SPATA31H1: variants seen among roughly 807,000 people sequenced by gnomAD.
SPATA31H1 encodes spermatogenesis-associated protein 31H1.
At chr2:27,548,172 G>A in the SPATA31H1 span, among the ~76,000 whole-genome samples, 94 of 151,446 alleles carry the variant, frequency 6.2e-4, no homozygotes, top group Non-Finnish European at 1.3e-3. Context: ...TAGTAGAGAC[G>A]GGGTTTCACC....
chr2:27,572,422 C>A, the SPATA31H1 span: 1 of 397,270 alleles, frequency 2.5e-6, no homozygotes, highest in Non-Finnish European at 4.4e-6. Context: ...GTCAAACCTG[C>A]AGAATTGAAA....
At chr2:27,580,223 G>A in the SPATA31H1 span, 1 of 1,614,170 alleles carries the variant, frequency 6.2e-7, no homozygotes, top group Non-Finnish European at 8.5e-7. Context: ...CAATAGATTT[G>A]CAGTCTGGGC....
At chr2:27,542,816 T>A in the SPATA31H1 span, among the ~76,000 whole-genome samples, 1 of 151,808 alleles carries the variant, frequency 6.6e-6, no homozygotes, top group Admixed American at 6.6e-5. Context: ...CAACATACAG[T>A]CTGGGAGTGG....
chr2:27,539,101 C>CTTTTTTTT, the SPATA31H1 span, among the ~76,000 whole-genome samples: 19 of 94,584 alleles, frequency 2.0e-4, no homozygotes, highest in African/African-American at 3.1e-4. Context: ...TCATCATTTT[C>CTTTTTTTT]TTTTTTTTTT....
the SPATA31H1 span, chr2:27,573,666 G>A: frequency 2.5e-6 from 1 of 398,464 alleles, no homozygotes. Context: ...TCACTCGCAA[G>A]ATGTGAAATC....
At chr2:27,549,693 C>T in the SPATA31H1 span, among the ~76,000 whole-genome samples, 9 of 151,808 alleles carry the variant, frequency 5.9e-5, 1 homozygote, top group African/African-American at 2.2e-4. Flanking sequence ...CCTGTAGTCT[C>T]AGCTACTTGG....
chr2:27,567,194 T>C, the SPATA31H1 span: 2 of 637,508 alleles, frequency 3.1e-6, no homozygotes, highest in Non-Finnish European at 5.7e-6. Context: ...TGACATCAGA[T>C]CATGAGCCAA....
the SPATA31H1 span, chr2:27,575,481 G>A: frequency 2.5e-6 from 1 of 398,468 alleles, no homozygotes; most frequent in East Asian, 3.6e-5. The surrounding 1 kb of genome is among the most constrained non-coding windows in gnomAD (Gnocchi z 4.1). Flanking sequence ...GTTGTGCCTA[G>A]GAACAAGGCT....
At chr2:27,579,176 G>C in the SPATA31H1 span, 1 of 1,614,112 alleles carries the variant, frequency 6.2e-7, no homozygotes. Flanking sequence ...AGTCTTTCCC[G>C]GGCAGACAAC....
chr2:27,573,187 A>T, the SPATA31H1 span: 1 of 398,458 alleles, frequency 2.5e-6, no homozygotes, highest in Non-Finnish European at 4.4e-6. Flanking sequence ...GTGGAGTTTA[A>T]CTTTGGGCCA....
the SPATA31H1 span, among the ~76,000 whole-genome samples, chr2:27,548,878 G>C: frequency 1.7e-4 from 26 of 151,524 alleles, no homozygotes; most frequent in Non-Finnish European, 3.4e-4. Flanking sequence ...TTCAAGACCA[G>C]CCTGGCCAAC....
chr2:27,566,586 T>C, the SPATA31H1 span: 16 of 579,044 alleles, frequency 2.8e-5, no homozygotes, highest in Non-Finnish European at 4.6e-5. Flanking sequence ...GGTGGAGAAA[T>C]TATTTCTATA....
chr2:27,582,454 A>G, the SPATA31H1 span: 1 of 1,614,160 alleles, frequency 6.2e-7, no homozygotes, highest in Admixed American at 1.7e-5. Flanking sequence ...TTCAAGAATC[A>G]AACAACTCTC....
chr2:27,572,972 G>GC, the SPATA31H1 span: 1 of 397,642 alleles, frequency 2.5e-6, no homozygotes, highest in Non-Finnish European at 4.4e-6. Context: ...AAACTGTAGA[G>GC]CTAAACCAAG....
the SPATA31H1 span, chr2:27,580,431 A>G: frequency 6.2e-7 from 1 of 1,614,158 alleles, no homozygotes; most frequent in Admixed American, 1.7e-5. Context: ...CTCTGATTCA[A>G]AATATCCAAT....
chr2:27,579,637 G>A, the SPATA31H1 span: 1 of 1,614,158 alleles, frequency 6.2e-7, no homozygotes, highest in Non-Finnish European at 8.5e-7. Context: ...TGTGCAGGGG[G>A]CCAGCTTCCT....
the SPATA31H1 span, chr2:27,565,931 T>A: frequency 1.5e-6 from 1 of 687,224 alleles, no homozygotes; most frequent in Non-Finnish European, 2.7e-6. Context: ...AGCTTTATGA[T>A]CTTGGGTATA....
the SPATA31H1 span, among the ~76,000 whole-genome samples, chr2:27,550,411 A>ATTTTT: frequency 1.7e-4 from 16 of 94,540 alleles, no homozygotes; most frequent in African/African-American, 3.6e-4. Flanking sequence ...TGGGTGTTAA[A>ATTTTT]TTTTTTTTTT....
chr2:27,555,920 T>C, the SPATA31H1 span, among the ~76,000 whole-genome samples: 1 of 151,674 alleles, frequency 6.6e-6, no homozygotes. Context: ...GATCATGAGG[T>C]CAAGAGATCG....
Sources: allele counts gnomAD v4.1 joint callset (sites outside exome capture counted in the v4.1 genomes callset), GRCh38; gene constraint gnomAD v4.1.1; non-coding constraint Gnocchi (gnomAD v3.1); transcripts MANE v1.5; gene names NCBI Gene and HGNC (gene_info 2026-07-23, HGNC 2026-07-21).